The following MYL9 variants were observed in gnomAD, a reference collection of about 807,000 sequenced individuals.
The protein encoded by MYL9 is myosin regulatory light polypeptide 9.
A neutral mutation model predicts 12.8 loss-of-function variants in MYL9; 7 were observed. That is an observed-to-expected ratio of 0.55 (90% CI 0.31 to 1.03). MYL9 has a LOEUF of 1.03. Among genes scored for constraint, MYL9 ranks in the 50% least tolerant of loss-of-function variants. MYL9 has a pLI of 0.05. For synonymous variants in MYL9, 81 were observed against 87.8 expected (o/e 0.92, Z 0.43); for missense variants, 190 against 242.7 (o/e 0.78, Z 1.44).
intron 2 of MYL9, among the ~76,000 whole-genome samples, chr20:36,545,463 C>G (rs1360776851): frequency 6.7e-6 from 1 of 149,160 alleles, no homozygotes; most frequent in Non-Finnish European, 1.5e-5. Flanking sequence ...CCCCACTGCA[C>G]TCCAGCCTGG....
chr20:36,544,839 A>ACCCCCCCCCCCTCCAGCAGGGGAGCCC lies in MYL9; in HGVS notation c.-26-15_-26-14insCCCCCCTCCAGCAGGGGAGCCCCCCCC. On this transcript the variant is annotated intron_variant, in intron 1 of 3. Coordinates refer to ENST00000279022, the MANE Select transcript of MYL9 (RefSeq NM_006097.5). ...TGGCCCAGAGTCACAGGGCCACCCAACCCCCACCCCTTCCTGCAGGGAAGC... is the reference window on the plus strand; with the variant it reads ...TGGCCCAGAGTCACAGGGCCACCCAACCCCCCCCCCCTCCAGCAGGGGAGCCCCCCCCACCCCTTCCTGCAGGGAAGC... 1 of 1,574,812 alleles carries ACCCCCCCCCCCTCCAGCAGGGGAGCCC rather than the reference A, an allele frequency of 6.3e-7. No individual in the cohort carries two copies. The highest frequency in any genetic ancestry group is 8.7e-7 in the Non-Finnish European group (1 of 1,155,508).
chr20:36,544,104 T>C (rs1345921311), intron 1 of MYL9, among the ~76,000 whole-genome samples: 1 of 152,042 alleles, frequency 6.6e-6, no homozygotes, highest in Admixed American at 6.6e-5. Context: ...AGAAGCCAGG[T>C]CTAAGCAAGG....
At chr20:36,544,591 G>A (rs970627029) in intron 1 of MYL9, among the ~76,000 whole-genome samples, 1 of 152,158 alleles carries the variant, frequency 6.6e-6, no homozygotes, top group African/African-American at 2.4e-5. Context: ...AGGAGCTCTC[G>A]GGCACTGAGT....
At chr20:36,548,425 CATCT>C (rs2038129137) in intron 3 of MYL9, among the ~76,000 whole-genome samples, 1 of 152,244 alleles carries the variant, frequency 6.6e-6, no homozygotes, top group African/African-American at 2.4e-5. Flanking sequence ...GCACATTCTC[CATCT>C]GTTTTAGACC....
intron 2 of MYL9, among the ~76,000 whole-genome samples, chr20:36,547,064 G>A (rs1018638679): frequency 6.6e-6 from 1 of 152,108 alleles, no homozygotes; most frequent in Non-Finnish European, 1.5e-5. Context: ...TGAGGCTCAG[G>A]GACATGAAAA....
In MYL9 at chr20:36,547,971, G is replaced by A. The variant is rs1165804950; in HGVS notation, c.185-61G>A. The A allele has an allele frequency of 1.1e-5, 16 of 1,518,396 alleles. No homozygotes were observed. In the Admixed American group the frequency reaches 1.7e-4, roughly 16 times the overall value. 94.1% of individuals were successfully genotyped at this position (1,518,396 alleles called of 1,614,324 possible). On this transcript the variant is annotated intron_variant, in intron 2 of 3. Coordinates refer to ENST00000279022, the MANE Select transcript of MYL9 (RefSeq NM_006097.5). ...GCAGGGGTGGGGGACGGGGGTGCAA[G>A]TTGTCCCAGCTGGGGACAGAGGGCC...
intron 3 of MYL9, 116 bp downstream of exon 3, chr20:36,548,309 A>G: frequency 7.3e-7 from 1 of 1,366,688 alleles, no homozygotes; most frequent in Non-Finnish European, 9.7e-7. Context: ...TTCTGTCACC[A>G]GAACTATAAA....
rs2038165211 is a variant in MYL9 at position 36,551,431 on chromosome 20, T to TTTG, written c.*2182_*2183insTTG. 1 of 152,168 alleles carries TTTG rather than the reference T, an allele frequency of 6.6e-6. No individual in the cohort carries two copies. The highest frequency in any genetic ancestry group is 2.4e-5 in the African/African-American group (1 of 41,432). The allele number at this position is 152,168 out of a possible 1,614,324, so 9.4% of individuals were successfully genotyped here. ...ACCATAAGCAAAATTAAAAGCCAAA[T>TTTG]GCATTCTGGGAGGAAATACCTGCAG... On this transcript the variant is annotated 3_prime_UTR_variant, in exon 4 of 4. Coordinates refer to ENST00000279022, the MANE Select transcript of MYL9 (RefSeq NM_006097.5).
At chr20:36,545,844 T>TGGGAGGCGGAGTTTGCA (rs1193151591) in intron 2 of MYL9, among the ~76,000 whole-genome samples, 1 of 150,972 alleles carries the variant, frequency 6.6e-6, no homozygotes, top group Non-Finnish European at 1.5e-5. Flanking sequence ...GGTGTGAACC[T>TGGGAGGCGGAGTTTGCA]GGGAGGCGGA....
At chr20:36,543,628 G>A (rs1480821486) in intron 1 of MYL9, among the ~76,000 whole-genome samples, 1 of 152,256 alleles carries the variant, frequency 6.6e-6, no homozygotes, top group Non-Finnish European at 1.5e-5. Flanking sequence ...AGTAGAAGCA[G>A]CAGACTGGCC....
chr20:36,545,311 C>T lies in MYL9; in HGVS notation c.184+243C>T, dbSNP rs552799538. On this transcript the variant is annotated intron_variant, in intron 2 of 3. Transcript: ENST00000279022. ...AGGAGATCGAGACCATCCTGGCTAA[C>T]ACGGTGAAACCCTGACTCTACTAAA... 4.0e-5 allele frequency among the ~76,000 whole-genome samples: 6 copies of T among 151,836 alleles called. No individual in the cohort carries two copies. In the South Asian group the frequency reaches 6.3e-4, roughly 16 times the overall value.
intron 2 of MYL9, among the ~76,000 whole-genome samples, chr20:36,545,294 G>A (rs1323834793): frequency 3.9e-5 from 6 of 151,914 alleles, no homozygotes; most frequent in East Asian, 1.9e-4. Flanking sequence ...TCAGGAGATC[G>A]AGACCATCCT....
chr20:36,546,731 T>A (rs934474324), intron 2 of MYL9, among the ~76,000 whole-genome samples: 5 of 151,994 alleles, frequency 3.3e-5, no homozygotes, highest in Admixed American at 2.0e-4. Flanking sequence ...TGCCTCAGCC[T>A]CCCCAGTAGC....
chr20:36,542,869 A>C (rs1169739700), intron 1 of MYL9, among the ~76,000 whole-genome samples: 1 of 152,142 alleles, frequency 6.6e-6, no homozygotes, highest in Non-Finnish European at 1.5e-5. Context: ...CACAGCAGAG[A>C]GTGCAGACCG....
At chr20:36,542,106 G>A (rs1766558999) in intron 1 of MYL9, among the ~76,000 whole-genome samples, 1 of 152,122 alleles carries the variant, frequency 6.6e-6, no homozygotes, top group Non-Finnish European at 1.5e-5. Context: ...AGCCAGTGCT[G>A]TATGCAGGGA....
Position 36,545,088 on chromosome 20 carries a change from G to GGGACCCTTCTCACCCTCGCT in MYL9, c.184+22_184+23insACCCTTCTCACCCTCGCTGG. The GGGACCCTTCTCACCCTCGCT allele has an allele frequency of 6.2e-7, 1 of 1,611,502 alleles. No individual in the cohort carries two copies. The highest frequency in any genetic ancestry group is 8.5e-7 in the Non-Finnish European group (1 of 1,178,310). On this transcript the variant is annotated intron_variant, in intron 2 of 3. Coordinates refer to ENST00000279022, the MANE Select transcript of MYL9 (RefSeq NM_006097.5). ...CGCTGGGTGAGCTGGGACAGGGACA[G>GGGACCCTTCTCACCCTCGCT]GGGTGAGATGGATGAGGCCAGGCAG...
rs573661805 is a variant in MYL9, at chr20:36,547,724, A to C, written c.185-308A>C. On this transcript the variant is annotated intron_variant, in intron 2 of 3. Coordinates refer to ENST00000279022, the MANE Select transcript of MYL9 (RefSeq NM_006097.5). ...TGACTTCACAGGGTGGTGAAAGTTA[A>C]ATGCAATAAGGCACGTGGTCGACCA... 4.4e-4 allele frequency among the ~76,000 whole-genome samples: 67 copies of C among 152,338 alleles called. 1 individual carries two copies. The highest frequency in any genetic ancestry group is 1.6e-3 in the African/African-American group (67 of 41,570).
chr20:36,548,623 C>T (rs982811685), intron 3 of MYL9, among the ~76,000 whole-genome samples: 7 of 152,214 alleles, frequency 4.6e-5, no homozygotes, highest in African/African-American at 1.7e-4. Flanking sequence ...TTCACGGTCC[C>T]TCACTGCAAT....
Position 36,545,122 on chromosome 20 carries a change from A to G in MYL9, c.184+54A>G. ...TGGATGAGGCCAGGCAGGCTCTGCC[A>G]ATCATTTACAGGGCACCTCCTGTGT... On this transcript the variant is annotated intron_variant, in intron 2 of 3. Coordinates refer to ENST00000279022, the MANE Select transcript of MYL9 (RefSeq NM_006097.5). 8 of 1,583,280 alleles carry G rather than the reference A, an allele frequency of 5.1e-6. No homozygotes were observed. In the South Asian group the frequency reaches 5.7e-5, roughly 11 times the overall value.
Sources: gnomAD v4.1 joint callset for allele counts (sites outside exome capture counted in the v4.1 genomes callset) on GRCh38, gnomAD v4.1.1 for gene constraint, MANE v1.5 for transcripts, NCBI Gene and HGNC (gene_info 2026-07-23, HGNC 2026-07-21) for gene names.